The following MROH1 variants were observed in gnomAD, a reference collection of about 807,000 sequenced individuals.
MROH1 encodes the protein maestro heat like repeat family member 1.
Under a neutral mutation model 116.5 loss-of-function variants are expected in MROH1, and 117 were observed. The ratio of observed to expected loss-of-function variants is 1.00; its 90% CI spans 0.86 to 1.17. The LOEUF (loss-of-function observed/expected upper bound fraction) is 1.17. MROH1 is among the 50% of genes most tolerant of loss of function. The pLI, the probability that MROH1 is intolerant of heterozygous loss-of-function variation, is 0.00. For missense variants in MROH1, 1,873 were observed against 1,338.5 expected (o/e 1.40, Z -6.23); for synonymous variants, 921 against 583.9 (o/e 1.58, Z -8.32).
At position 144,213,043 on chromosome 8, in the gene MROH1, A is replaced by C. The variant is rs1280782016; in HGVS notation, c.1142-7557A>C. On this transcript the variant is annotated intron_variant, in intron 12 of 43. Coordinates refer to ENST00000326134, the MANE Select transcript of MROH1 (RefSeq NM_032450.3). ...TGATGTTGCCATCAGCAGTCACACG[A>C]CTGAAACATGAGGACTGCCCTGCAC... The C allele has an allele frequency of 3.8e-6, 3 of 779,706 alleles. No individual in the cohort carries two copies. The African/African-American group carries it at 5.1e-5, about 13-fold the overall frequency. 48.3% of individuals were successfully genotyped at this position (779,706 alleles called of 1,614,324 possible). A position where few individuals can be genotyped will look rare whatever the true frequency, so the allele number is the denominator to read the frequency against.
chr8:144,148,824 G>A (rs1202583298), intron 1 of MROH1: 3 of 152,780 alleles, frequency 2.0e-5, no homozygotes, highest in Non-Finnish European at 4.4e-5. Context: ...CTCTGGGGAG[G>A]GGCTCCTTTG....
intron 43 of MROH1, 140 bp from the exon 44 acceptor site, chr8:144,261,515 A>AAAAC: frequency 1.5e-6 from 1 of 687,954 alleles, no homozygotes; most frequent in Non-Finnish European, 2.6e-6. Context: ...AAGAGCTTAA[A>AAAAC]AAACACTAAA....
chr8:144,253,537 G>A (rs959271680), intron 33 of MROH1, among the ~76,000 whole-genome samples: 34 of 152,198 alleles, frequency 2.2e-4, no homozygotes, highest in Non-Finnish European at 2.5e-4. Flanking sequence ...GCCTCCTGGC[G>A]CCTCAGCGAC....
intron 1 of MROH1, among the ~76,000 whole-genome samples, chr8:144,151,813 C>G (rs1816868331): frequency 6.6e-6 from 1 of 152,232 alleles, no homozygotes; most frequent in African/African-American, 2.4e-5. Context: ...GGCAGCGGGG[C>G]ACTGAAGAAG....
At chr8:144,166,073 T>C (rs1820760390) in intron 3 of MROH1, among the ~76,000 whole-genome samples, 1 of 152,058 alleles carries the variant, frequency 6.6e-6, no homozygotes, top group Non-Finnish European at 1.5e-5. Flanking sequence ...GAGATATGGT[T>C]TCACCATGTT....
rs955360395 is a variant in MROH1 at position 144,249,106 on chromosome 8, G to A, written c.3273+77G>A. ...GCGGTGGGACGGGCAGGGCAGGAGT[G>A]GGGTAGTGGCTCTTGGAGAGGTGGC... is the stretch of plus-strand genomic sequence containing the variant. On this transcript the variant is annotated intron_variant, in intron 32 of 43. Coordinates refer to ENST00000326134, the MANE Select transcript of MROH1 (RefSeq NM_032450.3). 5.7e-5 allele frequency: 40 copies of A among 702,400 alleles called. 2 individuals are homozygous for A. The highest frequency in any genetic ancestry group is 3.6e-4 in the Middle Eastern group (1 of 2,740). The allele number at this position is 702,400 out of a possible 1,614,324, so 43.5% of individuals were successfully genotyped here. A position where few individuals can be genotyped will look rare whatever the true frequency, so the allele number is the denominator to read the frequency against.
At chr8:144,162,727 T>G (rs951968877) in intron 2 of MROH1, among the ~76,000 whole-genome samples, 4 of 149,088 alleles carry the variant, frequency 2.7e-5, no homozygotes, top group African/African-American at 9.9e-5. Flanking sequence ...TTTCTTTTGT[T>G]TTTTTTTTTC....
intron 12 of MROH1, among the ~76,000 whole-genome samples, chr8:144,201,420 T>G (rs942688723): frequency 2.0e-5 from 3 of 152,198 alleles, no homozygotes; most frequent in Non-Finnish European, 4.4e-5. Context: ...ACAAGTGAGC[T>G]TGTGGTTTCC....
In MROH1 at chr8:144,161,061, C is replaced by G. The variant is rs1819404433; in HGVS notation, c.-85C>G. 6.5e-6 allele frequency: 1 copy of G among 152,764 alleles called. No individual in the cohort carries two copies. Among genetic ancestry groups the G allele is most frequent in the South Asian group, 2.1e-4 (1 of 4,834 alleles). 9.5% of individuals were successfully genotyped at this position (152,764 alleles called of 1,614,324 possible). On this transcript the variant is annotated 5_prime_UTR_variant, in exon 2 of 44. Transcript: ENST00000326134. ...GCATTCCTTGTCTCAGAGCCTCCCT[C>G]CTGCATCCTCCAAGCCAGCAGTTGT...
At chr8:144,225,102 G>A (rs1019432051) in intron 14 of MROH1, among the ~76,000 whole-genome samples, 3 of 151,514 alleles carry the variant, frequency 2.0e-5, no homozygotes, top group Admixed American at 6.6e-5. Flanking sequence ...GCAGTGGCAC[G>A]ATAATGGCCC....
chr8:144,240,825 G>T, intron 20 of MROH1, 148 bp downstream of exon 20: 1 of 677,632 alleles, frequency 1.5e-6, no homozygotes, highest in Non-Finnish European at 2.7e-6. Context: ...AGGAGTGCGA[G>T]AGCCCACCGG....
In MROH1 at chr8:144,247,336, C is replaced by T. The variant is rs1009872071; in HGVS notation, c.2907C>T (p.Ile969=). The T allele has an allele frequency of 1.8e-5, 14 of 773,090 alleles. No homozygotes were observed. The highest frequency in any genetic ancestry group is 1.1e-4 in the South Asian group (8 of 73,080). The allele number at this position is 773,090 out of a possible 1,614,324, so 47.9% of individuals were successfully genotyped here. ...LVPFHNLGLL[I]GLFSPRCADL... ...CCTTCCACAACCTGGGCCTTCTCAT[C>T]GGCCTCTTCTCCCCACGGTGTGCGG... Residue 969 remains isoleucine (I), a synonymous_variant, in exon 30 of 44, where the codon ATC becomes ATT. Transcript: ENST00000326134.
At chr8:144,161,811 G>A (rs889742806) in intron 2 of MROH1, among the ~76,000 whole-genome samples, 14 of 152,190 alleles carry the variant, frequency 9.2e-5, no homozygotes, top group African/African-American at 3.1e-4. Flanking sequence ...CTTCCTGGAC[G>A]ACGGAGCTGG....
chr8:144,157,542 G>A (rs1375442387), intron 1 of MROH1, among the ~76,000 whole-genome samples: 1 of 145,434 alleles, frequency 6.9e-6, no homozygotes, highest in African/African-American at 2.9e-5. Flanking sequence ...AGGTTTTATG[G>A]GAAGGTTTTT....
chr8:144,151,649 G>A (rs1307704382), intron 1 of MROH1, among the ~76,000 whole-genome samples: 2 of 152,204 alleles, frequency 1.3e-5, no homozygotes, highest in Non-Finnish European at 2.9e-5. Context: ...CTGTCCTTGC[G>A]ACAAGTAGAG....
At chr8:144,223,513 AC>A (rs1384445390) in intron 14 of MROH1, among the ~76,000 whole-genome samples, 1 of 152,168 alleles carries the variant, frequency 6.6e-6, no homozygotes, top group African/African-American at 2.4e-5. Context: ...GACTACAGGC[AC>A]ATGCGTGCCT....
intron 9 of MROH1, 101 bp downstream of exon 9, chr8:144,191,956 G>A: frequency 1.4e-6 from 2 of 1,410,054 alleles, no homozygotes; most frequent in Admixed American, 1.9e-5. Flanking sequence ...TGGTGGGTGG[G>A]GGTGGCCCTG....
At chr8:144,176,134 G>A (rs1175337758) in intron 4 of MROH1, among the ~76,000 whole-genome samples, 1 of 152,020 alleles carries the variant, frequency 6.6e-6, no homozygotes, top group African/African-American at 2.4e-5. Context: ...AGGCAGAGGC[G>A]GGTGGATAAC....
intron 12 of MROH1, chr8:144,214,474 G>C (rs1834840417): frequency 6.6e-6 from 1 of 152,246 alleles, no homozygotes; most frequent in South Asian, 2.1e-4. Context: ...AACTTGAGGA[G>C]TGAATAAAAT....
Sources: gnomAD v4.1 joint callset for allele counts (sites outside exome capture counted in the v4.1 genomes callset) on GRCh38, gnomAD v4.1.1 for gene constraint, MANE v1.5 for transcripts, NCBI Gene and HGNC (gene_info 2026-07-23, HGNC 2026-07-21) for gene names.